The following DLL3 variants were observed in gnomAD, a reference collection of about 807,000 sequenced individuals.
The protein encoded by DLL3 is delta-like protein 3.
Under a neutral mutation model 55.0 loss-of-function variants are expected in DLL3, and 49 were observed. The ratio of observed to expected loss-of-function variants is 0.89; its 90% CI spans 0.71 to 1.13. The LOEUF is 1.13. Ranked by LOEUF, DLL3 falls within the 50% of genes most tolerant of loss-of-function variation. DLL3 has a pLI of 0.00. For missense variants in DLL3, 962 were observed against 875.5 expected (o/e 1.10, Z -1.25); for synonymous variants, 421 against 385.2 (o/e 1.09, Z -1.09).
chr19:39,503,266 C>T lies in DLL3; in HGVS notation c.652+209C>T, dbSNP rs562470591. Among the ~76,000 whole-genome samples, 59 of 152,332 alleles carry T rather than the reference C, an allele frequency of 3.9e-4. 1 individual carries two copies. The highest frequency in any genetic ancestry group is 6.6e-4 in the Non-Finnish European group (45 of 68,026). ...TGTATCCCAAACCCCGCCCACCATC[C>T]AGCTGCCACCTTCGGAGAAACTGAG... On this transcript the variant is annotated intron_variant, in intron 4 of 8. Coordinates refer to ENST00000356433, the MANE Select transcript of DLL3 (RefSeq NM_203486.3).
chr19:39,502,228 C>G (rs1309608419), intron 3 of DLL3, among the ~76,000 whole-genome samples: 1 of 151,672 alleles, frequency 6.6e-6, no homozygotes, highest in Non-Finnish European at 1.5e-5. Flanking sequence ...GGTCAAAATA[C>G]AGGAGTATTA....
Position 39,505,288 on chromosome 19 carries a change from G to C in DLL3, c.930G>C (p.Glu310Asp). The C allele has an allele frequency of 6.2e-7, 1 of 1,614,206 alleles. No homozygotes were observed. ...GTGGGTTCTACGGGCTGCGGTGTGA[G>C]GTGAGCGGGGTGACATGTGCAGATG... is the stretch of plus-strand genomic sequence containing the variant. ...CPRGFYGLRCEVSGVTCADGP... is the reference protein window; with the variant it reads ...CPRGFYGLRCDVSGVTCADGP... The change falls in exon 6 of 9, where the codon GAG becomes GAC. Residue 310 changes from glutamate (E) to aspartate (D), a missense_variant. Coordinates refer to ENST00000356433, the MANE Select transcript of DLL3 (RefSeq NM_203486.3).
chr19:39,499,581 G>A (rs974706889), intron 2 of DLL3, 108 bp downstream of exon 2: 3 of 1,432,128 alleles, frequency 2.1e-6, no homozygotes, highest in South Asian at 2.5e-5. Context: ...TGCCTCCCAG[G>A]GGGTGGACGA....
chr19:39,507,241 G>C lies in DLL3; in HGVS notation c.1296G>C (p.Pro432=), dbSNP rs751762334. 1.3e-6 allele frequency: 2 copies of C among 1,498,670 alleles called. No individual in the cohort carries two copies. The highest frequency in any genetic ancestry group is 1.2e-5 in the South Asian group (1 of 80,454). The allele number at this position is 1,498,670 out of a possible 1,614,324, so 92.8% of individuals were successfully genotyped here. ...GGRDCRERAD[P]CAARPCAHGG... ...GCGACTGCCGCGAGCGCGCGGACCCGTGCGCCGCGCGCCCCTGTGCTCACG... is the reference window on the plus strand; with the variant it reads ...GCGACTGCCGCGAGCGCGCGGACCCCTGCGCCGCGCGCCCCTGTGCTCACG... The change falls in exon 7 of 9, where the codon CCG becomes CCC. Residue 432 remains proline (P), a synonymous_variant. Coordinates refer to ENST00000356433, the MANE Select transcript of DLL3 (RefSeq NM_203486.3).
Position 39,507,186 on chromosome 19 carries a change from G to A in DLL3, c.1241G>A (p.Arg414His). 1.5e-6 allele frequency: 2 copies of A among 1,328,190 alleles called. No individual in the cohort carries two copies. The highest frequency in any genetic ancestry group is 1.9e-6 in the Non-Finnish European group (2 of 1,049,270). 82.3% of individuals were successfully genotyped at this position (1,328,190 alleles called of 1,614,324 possible). Reference sequence around the variant, plus strand: ...TGTGTGGAGGGCGGCGGCGCGCACCGCTGCTCCTGCGCGCTGGGCTTCGGC... The same window carrying A: ...TGTGTGGAGGGCGGCGGCGCGCACCACTGCTCCTGCGCGCTGGGCTTCGGC... Reference protein sequence around the residue: ...GTCVEGGGAHRCSCALGFGGR... With the variant: ...GTCVEGGGAHHCSCALGFGGR... The change falls in exon 7 of 9, where the codon CGC (arginine) becomes CAC (histidine). Residue 414 changes from arginine (R) to histidine (H), a missense_variant. By Grantham distance (29) the Arg-to-His change is conservative. Transcript: ENST00000356433.
rs2079628014 is a variant in DLL3 at position 39,504,236 on chromosome 19, C to T, written c.818C>T (p.Pro273Leu). ...PSSATTGCLV[P>L]GPGPCDGNPC... ...TCTGCTACCACCGGATGCCTTGTCC[C>T]TGGGCCTGGGCCCTGTGACGGGAAC... The change falls in exon 5 of 9, where the codon CCT becomes CTT. Residue 273 changes from proline (P) to leucine (L), a missense_variant. By Grantham distance (98) the Pro-to-Leu change is moderately conservative. Transcript: ENST00000356433. 3 of 1,613,146 alleles carry T rather than the reference C, an allele frequency of 1.9e-6. No homozygotes were observed. Among genetic ancestry groups the T allele is most frequent in the African/African-American group, 1.3e-5 (1 of 75,074 alleles).
Position 39,507,237 on chromosome 19 carries a change from A to G in DLL3, c.1292A>G (p.Asp431Gly). 6.8e-7 allele frequency: 1 copy of G among 1,469,392 alleles called. No homozygotes were observed. The highest frequency in any genetic ancestry group is 9.0e-7 in the Non-Finnish European group (1 of 1,116,894). 91.0% of individuals were successfully genotyped at this position (1,469,392 alleles called of 1,614,324 possible). Residue 431 changes from aspartate to glycine, a missense_variant, in exon 7 of 9, where the codon GAC (aspartate) becomes GGC (glycine). Physicochemically the swap from Asp to Gly is moderately conservative, Grantham distance 94 (BLOSUM62 -1). Coordinates refer to ENST00000356433, the MANE Select transcript of DLL3 (RefSeq NM_203486.3). ...GGCCGCGACTGCCGCGAGCGCGCGG[A>G]CCCGTGCGCCGCGCGCCCCTGTGCT... ...FGGRDCRERA[D>G]PCAARPCAHG...
At chr19:39,505,200 C>A in intron 5 of DLL3, 29 bp from the exon 6 acceptor site, 1 of 1,609,324 alleles carries the variant, frequency 6.2e-7, no homozygotes, top group Non-Finnish European at 8.5e-7. Context: ...AAGGAAACAC[C>A]CTTCTCAAGT....
At chr19:39,503,091 C>T in intron 4 of DLL3, 34 bp downstream of exon 4, 1 of 1,515,658 alleles carries the variant, frequency 6.6e-7, no homozygotes, top group Non-Finnish European at 8.8e-7. Flanking sequence ...CCCGTCCCAG[C>T]CGGGGACCCC....
Position 39,507,297 on chromosome 19 carries a change from T to C in DLL3, c.1352T>C (p.Leu451Pro). 6.4e-7 allele frequency: 1 copy of C among 1,551,016 alleles called. No individual in the cohort carries two copies. Among genetic ancestry groups the C allele is most frequent in the South Asian group, 1.2e-5 (1 of 85,600 alleles). ...GGRCYAHFSGLVCACAPGYMG... is the reference protein window; with the variant it reads ...GGRCYAHFSGPVCACAPGYMG... ...CGCTGCTACGCCCACTTCTCCGGCC[T>C]CGTCTGCGCTTGCGCTCCCGGCTAC... The change falls in exon 7 of 9, where the codon CTC (leucine) becomes CCC (proline). Residue 451 changes from leucine to proline, a missense_variant. Transcript: ENST00000356433.
At position 39,508,363 on chromosome 19, in the gene DLL3, G is replaced by A. The variant is rs1473437244; in HGVS notation, c.*106G>A. On this transcript the variant is annotated 3_prime_UTR_variant, in exon 9 of 9. Transcript: ENST00000356433. ...CTTTGGAGTTCAATCTTGAAGGGGT[G>A]TCTGGGGGAACTTTACTGTTGCAAG... 4.6e-6 allele frequency: 6 copies of A among 1,312,664 alleles called. No individual in the cohort carries two copies. The highest frequency in any genetic ancestry group is 6.6e-6 in the Non-Finnish European group (6 of 910,634). 81.3% of individuals were successfully genotyped at this position (1,312,664 alleles called of 1,614,324 possible).
At chr19:39,503,536 C>T (rs1381910088) in intron 4 of DLL3, among the ~76,000 whole-genome samples, 1 of 152,192 alleles carries the variant, frequency 6.6e-6, no homozygotes, top group Non-Finnish European at 1.5e-5. Flanking sequence ...GCCAAGGGGC[C>T]CTCCATCCTC....
Position 39,507,224 on chromosome 19 carries a change from C to A in DLL3, c.1279C>A (p.Arg427Ser), listed in dbSNP as rs1302400216. The A allele has an allele frequency of 1.5e-6, 2 of 1,368,006 alleles. No homozygotes were observed. The highest frequency in any genetic ancestry group is 1.9e-6 in the Non-Finnish European group (2 of 1,069,286). 84.7% of individuals were successfully genotyped at this position (1,368,006 alleles called of 1,614,324 possible). Reference protein sequence around the residue: ...CALGFGGRDCRERADPCAARP... With the variant: ...CALGFGGRDCSERADPCAARP... ...GCTGGGCTTCGGCGGCCGCGACTGC[C>A]GCGAGCGCGCGGACCCGTGCGCCGC... Residue 427 changes from arginine (R) to serine (S), a missense_variant, in exon 7 of 9, where the codon CGC (arginine) becomes AGC (serine). Coordinates refer to ENST00000356433, the MANE Select transcript of DLL3 (RefSeq NM_203486.3).
chr19:39,507,710 C>A, intron 7 of DLL3, 92 bp downstream of exon 7: 8 of 1,593,960 alleles, frequency 5.0e-6, no homozygotes, highest in South Asian at 1.1e-5. Flanking sequence ...TGATGCATTT[C>A]CCTGGTCGGT....
chr19:39,500,872 G>C (rs1280162570), intron 3 of DLL3, among the ~76,000 whole-genome samples, 200 bp downstream of exon 3: 1 of 148,676 alleles, frequency 6.7e-6, no homozygotes, highest in Admixed American at 6.7e-5. Context: ...GGTACCAGAC[G>C]AAGTAGGGGA....
Position 39,504,166 on chromosome 19 carries a change from G to T in DLL3, c.748G>T (p.Val250Phe), listed in dbSNP as rs780854675. The change falls in exon 5 of 9, where the codon GTC becomes TTC. Residue 250 changes from valine (V) to phenylalanine (F), a missense_variant. Val to Phe is a conservative substitution (Grantham distance 50). Coordinates refer to ENST00000356433, the MANE Select transcript of DLL3 (RefSeq NM_203486.3). ...LEGWTGPLCTVPVSTSSCLSP... is the reference protein window; with the variant it reads ...LEGWTGPLCTFPVSTSSCLSP... The stretch of plus-strand genomic sequence containing the variant: ...GGGCTGGACTGGACCCCTCTGCACG[G>T]TCCCTGTCTCCACCAGCAGCTGCCT... The T allele has an allele frequency of 8.1e-6, 13 of 1,612,468 alleles. No individual in the cohort carries two copies. In the South Asian group the frequency reaches 1.4e-4, roughly 18 times the overall value.
chr19:39,506,937 G>T, intron 6 of DLL3, 102 bp from the exon 7 acceptor site: 1 of 1,298,496 alleles, frequency 7.7e-7, no homozygotes, highest in South Asian at 1.3e-5. Context: ...AAGTTAGAGA[G>T]AAAAAGGGGA....
In DLL3 at chr19:39,500,853, A is replaced by AGTCT. The variant is rs3217397; in HGVS notation, c.409+183_409+184insCTGT. 0.28 allele frequency among the ~76,000 whole-genome samples: 42,770 copies of AGTCT among 151,902 alleles called. 6,462 individuals are homozygous for AGTCT. The highest frequency in any genetic ancestry group is 0.41 in the Middle Eastern group (121 of 294). On this transcript the variant is annotated intron_variant, in intron 3 of 8. Coordinates refer to ENST00000356433, the MANE Select transcript of DLL3 (RefSeq NM_203486.3). ...AAATGTCCCTGGTACTGGATGTAGC[A>AGTCT]GTGGTTCTGGTACCAGACGAAGTAG...
At chr19:39,501,277 A>C (rs2079608150) in intron 3 of DLL3, among the ~76,000 whole-genome samples, 1 of 152,094 alleles carries the variant, frequency 6.6e-6, no homozygotes, top group Non-Finnish European at 1.5e-5. Context: ...TTGAGATTAC[A>C]GGCATGAGCC....
Sources: gnomAD v4.1 joint callset for allele counts (sites outside exome capture counted in the v4.1 genomes callset) on GRCh38, gnomAD v4.1.1 for gene constraint, MANE v1.5 for transcripts, NCBI Gene and HGNC (gene_info 2026-07-23, HGNC 2026-07-21) for gene names.